Variants in XRCC6 observed in about 807,000 individuals in gnomAD.
The protein encoded by XRCC6 is X-ray repair cross complementing 6, also known as DNA repair protein Ku70.
XRCC6 carries 5 observed loss-of-function variants against 65.7 expected under a neutral mutation model. The observed-to-expected ratio is 0.08, with a 90% CI of 0.04 to 0.16. XRCC6 has a LOEUF of 0.16. Ranked by LOEUF, XRCC6 falls within the 10% of genes least tolerant of loss-of-function variation. The pLI, the probability that XRCC6 is intolerant of heterozygous loss-of-function variation, is 1.00. For synonymous variants in XRCC6, 270 were observed against 270.6 expected, an observed-to-expected ratio of 1.00 and a Z score of 0.02; for missense variants, 447 against 738.1, an observed-to-expected ratio of 0.61 and a Z score of 4.57.
rs368664677 is a variant in XRCC6, at chr22:41,636,593, G to A, written c.412G>A (p.Gly138Arg). The A allele has an allele frequency of 5.0e-6, 8 of 1,613,864 alleles. No homozygotes were observed. Among genetic ancestry groups the A allele is most frequent in the African/African-American group, 2.7e-5 (2 of 74,894 alleles). ...ACGTTTCCAAGACATGATGGGCCAC[G>A]GATCTGACTACTCACTCAGTGAAGT... Reference protein sequence around the residue: ...QKRFQDMMGHGSDYSLSEVLW... With the variant: ...QKRFQDMMGHRSDYSLSEVLW... Residue 138 changes from glycine to arginine, a missense_variant, in exon 5 of 13, where the codon GGA (glycine) becomes AGA (arginine). Physicochemically the swap from Gly to Arg is moderately radical, Grantham distance 125. Around this residue, in one of 4 missense-constraint regions of XRCC6, gnomAD observed 228 missense variants for 307.4 expected, o/e 0.74. Transcript: ENST00000360079.
Position 41,650,812 on chromosome 22 carries a change from C to T in XRCC6, c.1050C>T (p.Phe350=). The part of the protein sequence containing the change: ...FDDPGLMLMG[F]KPLVLLKKHH... Reference sequence around the variant, plus strand: ...ATCCAGGTTTGATGCTCATGGGTTTCAAGCCGTTGGTACTGCTGAAGAAAC... The same window carrying T: ...ATCCAGGTTTGATGCTCATGGGTTTTAAGCCGTTGGTACTGCTGAAGAAAC... Residue 350 remains phenylalanine (F), a synonymous_variant, in exon 8 of 13, where the codon TTC becomes TTT. Coordinates refer to ENST00000360079, the MANE Select transcript of XRCC6 (RefSeq NM_001469.5). 2 of 1,613,974 alleles carry T rather than the reference C, an allele frequency of 1.2e-6. No homozygotes were observed. Among genetic ancestry groups the T allele is most frequent in the Non-Finnish European group, 1.7e-6 (2 of 1,179,890 alleles).
In XRCC6 at chr22:41,641,925, G is replaced by A. The variant is rs915379466; in HGVS notation, c.773+4134G>A. Among the ~76,000 whole-genome samples, 14 of 152,054 alleles carry A rather than the reference G, an allele frequency of 9.2e-5. No individual in the cohort carries two copies. The East Asian group carries it at 2.1e-3, about 23-fold the overall frequency. ...CTCCTGCAGCCTCCCAAGTAGCTAG[G>A]ATTACAGGCATGCACCACCACGCCC... On this transcript the variant is annotated intron_variant, in intron 6 of 12. Transcript: ENST00000360079.
chr22:41,631,946 C>T (rs1387138102), intron 3 of XRCC6, among the ~76,000 whole-genome samples: 7 of 151,614 alleles, frequency 4.6e-5, no homozygotes, highest in South Asian at 2.1e-4. Context: ...GCCAACACAG[C>T]GAAACCCCGT....
intron 3 of XRCC6, among the ~76,000 whole-genome samples, chr22:41,630,229 G>T (rs1381374539): frequency 6.6e-6 from 1 of 151,678 alleles, no homozygotes; most frequent in Non-Finnish European, 1.5e-5. Context: ...TGATCTGCTC[G>T]CCTCGGCCTT....
At chr22:41,640,011 T>C (rs183328586) in intron 6 of XRCC6, among the ~76,000 whole-genome samples, 2 of 151,996 alleles carry the variant, frequency 1.3e-5, no homozygotes, top group Admixed American at 1.3e-4. Context: ...AGGTTACTCA[T>C]TGTTTCTTCC....
At chr22:41,632,618 C>T (rs2067767521) in intron 3 of XRCC6, among the ~76,000 whole-genome samples, 1 of 151,536 alleles carries the variant, frequency 6.6e-6, no homozygotes, top group Non-Finnish European at 1.5e-5. Flanking sequence ...CTCAAGAAAA[C>T]AAGAAATAGT....
Position 41,637,624 on chromosome 22 carries a change from G to A in XRCC6, c.606G>A (p.Leu202=), listed in dbSNP as rs1464037685. ...DLRDTGIFLD[L]MHLKKPGGFD... ...TTGCAACAGGCATCTTCCTTGACTTGATGCACCTGAAGAAACCTGGGGGCT... is the reference window on the plus strand; with the variant it reads ...TTGCAACAGGCATCTTCCTTGACTTAATGCACCTGAAGAAACCTGGGGGCT... Residue 202 remains leucine, a synonymous_variant, in exon 6 of 13, where the codon TTG becomes TTA. Coordinates refer to ENST00000360079, the MANE Select transcript of XRCC6 (RefSeq NM_001469.5). 3 of 1,604,360 alleles carry A rather than the reference G, an allele frequency of 1.9e-6. No individual in the cohort carries two copies. The highest frequency in any genetic ancestry group is 2.2e-5 in the East Asian group (1 of 44,586).
chr22:41,625,443 C>T (rs773799601), intron 2 of XRCC6, among the ~76,000 whole-genome samples: 1 of 152,122 alleles, frequency 6.6e-6, no homozygotes, highest in Non-Finnish European at 1.5e-5. Context: ...CCAGCCTGAC[C>T]AACATGATGA....
chr22:41,649,993 G>T (rs1203273039), intron 7 of XRCC6, among the ~76,000 whole-genome samples: 1 of 152,056 alleles, frequency 6.6e-6, no homozygotes, highest in Non-Finnish European at 1.5e-5. Flanking sequence ...GCCACTGCAC[G>T]CCAGTGACAG....
intron 11 of XRCC6, among the ~76,000 whole-genome samples, chr22:41,659,316 G>C (rs529742670): frequency 1.3e-5 from 2 of 152,012 alleles, no homozygotes; most frequent in Non-Finnish European, 2.9e-5. Context: ...TTCAGAAGTC[G>C]GTGGCCTAGT....
chr22:41,625,101 TTCA>T (rs2067655362), intron 2 of XRCC6, among the ~76,000 whole-genome samples: 3 of 150,232 alleles, frequency 2.0e-5, no homozygotes, highest in Admixed American at 2.0e-4. Flanking sequence ...AGGTCAGGAG[TTCA>T]AGACCAGCCT....
chr22:41,631,118 G>C (rs1334502818), intron 3 of XRCC6, among the ~76,000 whole-genome samples: 2 of 150,808 alleles, frequency 1.3e-5, no homozygotes, highest in Non-Finnish European at 3.0e-5. Context: ...CCTCCTGGAC[G>C]GGGCGGCTGG....
Position 41,663,914 on chromosome 22 carries a change from T to G in XRCC6, c.*99T>G. On this transcript the variant is annotated 3_prime_UTR_variant, in exon 13 of 13. Coordinates refer to ENST00000360079, the MANE Select transcript of XRCC6 (RefSeq NM_001469.5). ...TGTGTTTCTCCTGAGCTAGGAAGAG[T>G]CTACCCGACATAAGTCGAGGGACTT... 1 of 1,307,600 alleles carries G rather than the reference T, an allele frequency of 7.6e-7. No homozygotes were observed. Among genetic ancestry groups the G allele is most frequent in the South Asian group, 1.4e-5 (1 of 70,496 alleles). The allele number at this position is 1,307,600 out of a possible 1,614,324, so 81.0% of individuals were successfully genotyped here. A position where few individuals can be genotyped will look rare whatever the true frequency, so the allele number is the denominator to read the frequency against.
intron 6 of XRCC6, among the ~76,000 whole-genome samples, chr22:41,643,977 T>C (rs532075411): frequency 1.7e-5 from 2 of 117,908 alleles, no homozygotes; most frequent in South Asian, 2.7e-4. Context: ...AGAGTGAGAC[T>C]CCATCTCAAA....
chr22:41,650,617 C>CT, intron 7 of XRCC6, 106 bp from the exon 8 acceptor site: 1 of 1,234,448 alleles, frequency 8.1e-7, no homozygotes, highest in East Asian at 2.4e-5. Context: ...CATCTTCCTG[C>CT]TCCTTAGAAG....
At position 41,628,140 on chromosome 22, in the gene XRCC6, A is replaced by G; in HGVS notation, c.105A>G (p.Arg35=). The G allele has an allele frequency of 1.9e-6, 3 of 1,613,326 alleles. No homozygotes were observed. The highest frequency in any genetic ancestry group is 2.5e-6 in the Non-Finnish European group (3 of 1,179,620). The change falls in exon 3 of 13, where the codon AGA becomes AGG. Residue 35 remains arginine, a synonymous_variant. Coordinates refer to ENST00000360079, the MANE Select transcript of XRCC6 (RefSeq NM_001469.5). Reference sequence around the variant, plus strand: ...TAGGAGACTATAAATATTCAGGAAGAGATAGTTTGATTTTTTTGGTTGATG... The same window carrying G: ...TAGGAGACTATAAATATTCAGGAAGGGATAGTTTGATTTTTTTGGTTGATG... ...EASGDYKYSG[R]DSLIFLVDAS...
intron 6 of XRCC6, among the ~76,000 whole-genome samples, chr22:41,643,387 C>T (rs1034132709): frequency 2.0e-5 from 3 of 151,670 alleles, no homozygotes; most frequent in South Asian, 2.1e-4. Context: ...CCAGCTTAGG[C>T]GACAGAGCGA....
rs762113155 is a variant in XRCC6, at chr22:41,647,000, A to G, written c.878A>G (p.Asn293Ser). 6.2e-7 allele frequency: 1 copy of G among 1,614,232 alleles called. No homozygotes were observed. Among genetic ancestry groups the G allele is most frequent in the Non-Finnish European group, 8.5e-7 (1 of 1,180,048 alleles). The change falls in exon 7 of 13, where the codon AAT (asparagine) becomes AGT (serine). Residue 293 changes from asparagine to serine, a missense_variant. Asn to Ser is a conservative substitution (Grantham distance 46). Around this residue, in one of 4 missense-constraint regions of XRCC6, gnomAD observed 4 missense variants for 32.9 expected, o/e 0.12. Transcript: ENST00000360079. Reference protein sequence around the residue: ...PPPIKLYRETNEPVKTKTRTF... With the variant: ...PPPIKLYRETSEPVKTKTRTF... ...CCAATAAAGCTCTATCGGGAAACAA[A>G]TGAACCAGTGAAAACCAAGACCCGG...
At chr22:41,653,844 G>T (rs1413370749) in intron 9 of XRCC6, among the ~76,000 whole-genome samples, 154 bp downstream of exon 9, 4 of 152,138 alleles carry the variant, frequency 2.6e-5, no homozygotes, top group African/African-American at 9.7e-5. Context: ...TTAGTGCACA[G>T]CCAGGTAAGG....
Sources: gnomAD v4.1 joint callset for allele counts (sites outside exome capture counted in the v4.1 genomes callset) on GRCh38, gnomAD v4.1.1 for gene constraint, gnomAD v4.1.1 regional missense constraint, MANE v1.5 for transcripts, NCBI Gene and HGNC (gene_info 2026-07-23, HGNC 2026-07-21) for gene names.